The following RPTOR variants were observed in gnomAD, a reference collection of about 807,000 sequenced individuals.
RPTOR encodes regulatory-associated protein of mTOR.
Under a neutral mutation model 169.9 loss-of-function variants are expected in RPTOR, and 21 were observed. The observed-to-expected ratio is 0.12, with a 90% CI of 0.09 to 0.18. The LOEUF is 0.18. Among genes scored for constraint, RPTOR ranks in the 10% least tolerant of loss-of-function variants. The pLI, the probability that RPTOR is intolerant of heterozygous loss-of-function variation, is 1.00. For missense variants in RPTOR, 1,133 were observed against 1,855.9 expected (o/e 0.61, Z 7.16); for synonymous variants, 732 against 753.2 (o/e 0.97, Z 0.46).
Position 80,754,504 on chromosome 17 carries a change from T to C in RPTOR, c.830+319T>C, listed in dbSNP as rs188829563. Among the ~76,000 whole-genome samples, 92 of 152,328 alleles carry C rather than the reference T, an allele frequency of 6.0e-4. No individual in the cohort carries two copies. The East Asian group carries it at 0.016, about 26-fold the overall frequency. On this transcript the variant is annotated intron_variant, in intron 6 of 33. Coordinates refer to ENST00000306801, the MANE Select transcript of RPTOR (RefSeq NM_020761.3). The surrounding 1 kb of genome is among the most constrained non-coding windows in gnomAD (Gnocchi z 4.2). ...GATAGGTCATACTGGAAACTGGACT[T>C]TCTTTCAGGGGAAGAAAAGGCTGTT...
In RPTOR at chr17:80,633,114, A is replaced by G. The variant is rs1192101525; in HGVS notation, c.265+7321A>G. ...CACTAGGCCCATTTTTCATTTTGAA[A>G]AAAAAGTTCCAAAAGTTGCAAGTAT... On this transcript the variant is annotated intron_variant, in intron 2 of 33. Transcript: ENST00000306801. This position sits in a 1 kb window ranked among gnomAD's most constrained non-coding sequence, Gnocchi z 4.1. 2.0e-5 allele frequency among the ~76,000 whole-genome samples: 3 copies of G among 152,200 alleles called. No homozygotes were observed. In the East Asian group the frequency reaches 5.8e-4, roughly 29 times the overall value.
intron 11 of RPTOR, among the ~76,000 whole-genome samples, chr17:80,852,412 G>T (rs542942592): frequency 2.0e-5 from 3 of 152,128 alleles, no homozygotes; most frequent in African/African-American, 2.4e-5. Flanking sequence ...GACAGCCCCC[G>T]AGTTAAGCAT....
intron 1 of RPTOR, among the ~76,000 whole-genome samples, chr17:80,618,162 T>C (rs904942975): frequency 6.6e-6 from 1 of 152,026 alleles, no homozygotes; most frequent in African/African-American, 2.4e-5. Context: ...TTTATTTTTA[T>C]ATTTTGTAGA....
At chr17:80,677,081 G>A (rs2065866444) in intron 3 of RPTOR, among the ~76,000 whole-genome samples, 1 of 152,216 alleles carries the variant, frequency 6.6e-6, no homozygotes, top group Non-Finnish European at 1.5e-5. Context: ...GGGGCACGCT[G>A]TTGCATTATG....
At chr17:80,941,675 C>T (rs1303996101) in intron 25 of RPTOR, among the ~76,000 whole-genome samples, 2 of 152,244 alleles carry the variant, frequency 1.3e-5, no homozygotes, top group African/African-American at 4.8e-5. Context: ...GCATCTTTGT[C>T]CTGTAAAATT....
chr17:80,713,425 A>T (rs1196262481), intron 4 of RPTOR, among the ~76,000 whole-genome samples: 1 of 152,118 alleles, frequency 6.6e-6, no homozygotes, highest in Non-Finnish European at 1.5e-5. Flanking sequence ...TTTTCCTAGT[A>T]GTGGATGTTC....
In RPTOR at chr17:80,908,925, A is replaced by G. The variant is rs1226652059; in HGVS notation, c.2516A>G (p.Tyr839Cys). The change falls in exon 21 of 34, where the codon TAC (tyrosine) becomes TGC (cysteine). Residue 839 changes from tyrosine (Y) to cysteine (C), a missense_variant. Transcript: ENST00000306801. ...VAMKVLNSIA[Y>C]KATVNARPQR... ...ATGAAAGTACTCAACAGCATCGCCT[A>G]CAAGGTACGTGCCGGGCGCTCCCCA... 1.2e-6 allele frequency: 2 copies of G among 1,611,602 alleles called. No homozygotes were observed. Among genetic ancestry groups the G allele is most frequent in the Non-Finnish European group, 1.7e-6 (2 of 1,177,930 alleles).
intron 7 of RPTOR, among the ~76,000 whole-genome samples, chr17:80,815,012 A>T (rs1231402107): frequency 6.6e-6 from 1 of 152,258 alleles, no homozygotes; most frequent in Non-Finnish European, 1.5e-5. Context: ...GATGTTTGAG[A>T]ATGACAAGTC....
At chr17:80,886,164 C>T (rs997704427) in intron 17 of RPTOR, among the ~76,000 whole-genome samples, 3 of 152,224 alleles carry the variant, frequency 2.0e-5, no homozygotes, top group Admixed American at 6.5e-5. Flanking sequence ...TGAGACGGGC[C>T]GTGGTCCAGG....
intron 21 of RPTOR, among the ~76,000 whole-genome samples, chr17:80,912,637 A>G (rs2068626238): frequency 1.3e-5 from 2 of 152,148 alleles, no homozygotes; most frequent in South Asian, 4.2e-4. Flanking sequence ...ACGTCCCAGC[A>G]CAGCCTCCAC....
chr17:80,784,143 G>A (rs1284985233), intron 6 of RPTOR, among the ~76,000 whole-genome samples: 1 of 151,290 alleles, frequency 6.6e-6, no homozygotes, highest in Non-Finnish European at 1.5e-5. Flanking sequence ...TGTGGAGATG[G>A]GGACTCAACT....
intron 9 of RPTOR, among the ~76,000 whole-genome samples, chr17:80,832,735 A>G (rs571171968): frequency 6.6e-6 from 1 of 152,288 alleles, no homozygotes; most frequent in African/African-American, 2.4e-5. Flanking sequence ...CAATGCCCAG[A>G]GCTCTCTCCT....
At chr17:80,839,516 A>G (rs1358341677) in intron 10 of RPTOR, among the ~76,000 whole-genome samples, 1 of 152,078 alleles carries the variant, frequency 6.6e-6, no homozygotes, top group East Asian at 1.9e-4. Flanking sequence ...CTTGGCATCA[A>G]CACTGGGCTT....
intron 3 of RPTOR, among the ~76,000 whole-genome samples, chr17:80,674,994 CT>C (rs2065852167): frequency 6.6e-6 from 1 of 152,256 alleles, no homozygotes; most frequent in Admixed American, 6.5e-5. Context: ...TCAGTCACCC[CT>C]GGCTTCAGAA....
chr17:80,567,014 A>G, intron 1 of RPTOR, among the ~76,000 whole-genome samples: 1 of 151,638 alleles, frequency 6.6e-6, no homozygotes, highest in Non-Finnish European at 1.5e-5. Flanking sequence ...TCCATCACCC[A>G]GGCTGGAGTC....
At chr17:80,692,398 C>T (rs112219953) in intron 3 of RPTOR, among the ~76,000 whole-genome samples, 159 of 152,188 alleles carry the variant, frequency 1.0e-3, no homozygotes, top group Non-Finnish European at 1.8e-3. Flanking sequence ...CTCGGCTCAC[C>T]GCAACCTCCA....
In RPTOR at chr17:80,695,260, G is replaced by A. The variant is rs368576873; in HGVS notation, c.349-12581G>A. On this transcript the variant is annotated intron_variant, in intron 3 of 33. Coordinates refer to ENST00000306801, the MANE Select transcript of RPTOR (RefSeq NM_020761.3). The surrounding 1 kb of genome is among the most constrained non-coding windows in gnomAD (Gnocchi z 4.9). The stretch of plus-strand genomic sequence containing the variant: ...CCCACATTGTCTGCCACGGGGGCCC[G>A]AGCATTTCCACACGAGACTTTCACA... Among the ~76,000 whole-genome samples, 3 of 152,232 alleles carry A rather than the reference G, an allele frequency of 2.0e-5. No homozygotes were observed. Among genetic ancestry groups the A allele is most frequent in the Non-Finnish European group, 2.9e-5 (2 of 68,046 alleles).
At chr17:80,815,576 T>C (rs950428652) in intron 7 of RPTOR, among the ~76,000 whole-genome samples, 1 of 152,218 alleles carries the variant, frequency 6.6e-6, no homozygotes, top group African/African-American at 2.4e-5. Context: ...CTGTGGACTG[T>C]GGAGATCACA....
intron 6 of RPTOR, among the ~76,000 whole-genome samples, chr17:80,766,732 G>A (rs1379803667): frequency 6.6e-6 from 1 of 152,052 alleles, no homozygotes; most frequent in Non-Finnish European, 1.5e-5. Context: ...TACTTAACTA[G>A]GTGTTCATGT....
Sources: gnomAD v4.1 joint callset for allele counts (sites outside exome capture counted in the v4.1 genomes callset) on GRCh38, gnomAD v4.1.1 for gene constraint, Gnocchi (gnomAD v3.1) non-coding constraint, MANE v1.5 for transcripts, NCBI Gene and HGNC (gene_info 2026-07-23, HGNC 2026-07-21) for gene names.